Variants in TENT2 observed in about 807,000 individuals in gnomAD.
TENT2 encodes terminal nucleotidyltransferase 2, also known as poly(A) RNA polymerase GLD2.
Under a neutral mutation model 72.2 loss-of-function variants are expected in TENT2, and 44 were observed. That is an observed-to-expected ratio of 0.61 (90% CI 0.48 to 0.78). TENT2 has a LOEUF of 0.78. Ranked by LOEUF, TENT2 falls within the 30% of genes least tolerant of loss-of-function variation. The pLI is 0.00. For missense variants in TENT2, 541 were observed against 569.6 expected, an observed-to-expected ratio of 0.95 and a Z score of 0.51; for synonymous variants, 212 against 192.5, an observed-to-expected ratio of 1.10 and a Z score of -0.84.
chr5:79,683,923 C>CAAAAA (rs761567083), intron 14 of TENT2, among the ~76,000 whole-genome samples: 652 of 41,520 alleles, frequency 0.016, 42 homozygotes, highest in Non-Finnish European at 0.018. Context: ...GACTCCGTCT[C>CAAAAA]AAAAAAAAAA....
At chr5:79,619,487 T>G in intron 1 of TENT2, 125 bp from the exon 2 acceptor site, 2 of 638,346 alleles carry the variant, frequency 3.1e-6, no homozygotes, top group South Asian at 8.2e-5. Context: ...GGAGACCTAT[T>G]TAACTTTGCA....
intron 4 of TENT2, among the ~76,000 whole-genome samples, chr5:79,635,594 G>T (rs919446903): frequency 1.3e-5 from 2 of 151,892 alleles, no homozygotes; most frequent in African/African-American, 4.8e-5. Context: ...TTGCTCTGTT[G>T]CCCAGGCTGG....
At chr5:79,624,532 A>T (rs754574109) in intron 4 of TENT2, among the ~76,000 whole-genome samples, 1 of 152,104 alleles carries the variant, frequency 6.6e-6, no homozygotes, top group South Asian at 2.1e-4. Context: ...ATTCCCAAAC[A>T]TTTTCATCAC....
intron 13 of TENT2, among the ~76,000 whole-genome samples, chr5:79,681,081 T>A (rs1018549907): frequency 2.0e-5 from 3 of 151,710 alleles, no homozygotes; most frequent in African/African-American, 7.3e-5. Flanking sequence ...TTCTGTTTGC[T>A]TTTCTCTTTT....
At chr5:79,669,095 TGA>T in intron 12 of TENT2, 67 bp downstream of exon 12, 3 of 1,505,786 alleles carry the variant, frequency 2.0e-6, no homozygotes, top group African/African-American at 2.8e-5. Context: ...TGTATATATA[TGA>T]ATACGAATAT....
At chr5:79,652,797 C>A (rs1221131344) in intron 10 of TENT2, among the ~76,000 whole-genome samples, 1 of 151,710 alleles carries the variant, frequency 6.6e-6, no homozygotes, top group African/African-American at 2.4e-5. Flanking sequence ...TCATTTTTGT[C>A]CAATTTTACA....
Position 79,681,939 on chromosome 5 carries a change from C to A in TENT2, c.1301-43C>A, listed in dbSNP as rs771864975. On this transcript the variant is annotated intron_variant, in intron 13 of 14. Transcript: ENST00000453514. ...AACCTAAAAAAGAAACTGTAGCTCT[C>A]ATTTTAATAATTTTTCCTTTACATT... The A allele has an allele frequency of 7.3e-6, 11 of 1,511,586 alleles. No individual in the cohort carries two copies. In the Admixed American group the frequency reaches 2.0e-4, roughly 27 times the overall value. The allele number at this position is 1,511,586 out of a possible 1,614,324, so 93.6% of individuals were successfully genotyped here. A position where few individuals can be genotyped will look rare whatever the true frequency, so the allele number is the denominator to read the frequency against.
chr5:79,666,599 C>T (rs1808260957), intron 11 of TENT2, among the ~76,000 whole-genome samples: 1 of 151,982 alleles, frequency 6.6e-6, no homozygotes, highest in Non-Finnish European at 1.5e-5. Flanking sequence ...AGTAAGTTGC[C>T]TAAGCTGGTC....
chr5:79,639,235 T>C (rs1782547336), intron 4 of TENT2, among the ~76,000 whole-genome samples: 1 of 151,770 alleles, frequency 6.6e-6, no homozygotes, highest in African/African-American at 2.4e-5. Flanking sequence ...CTTAGTAAAC[T>C]TTAATTTAAC....
intron 10 of TENT2, 40 bp downstream of exon 10, chr5:79,649,230 A>C: frequency 6.3e-7 from 1 of 1,578,950 alleles, no homozygotes; most frequent in Non-Finnish European, 8.7e-7. Context: ...TAAAAGTAAA[A>C]GACAGCTTTA....
At chr5:79,618,292 A>G (rs1376234619) in intron 1 of TENT2, among the ~76,000 whole-genome samples, 1 of 152,120 alleles carries the variant, frequency 6.6e-6, no homozygotes, top group African/African-American at 2.4e-5. Context: ...AGTGGCATGA[A>G]CATGGTTCAC....
chr5:79,672,239 G>A (rs1813493522), intron 12 of TENT2, among the ~76,000 whole-genome samples: 1 of 152,100 alleles, frequency 6.6e-6, no homozygotes, highest in Admixed American at 6.6e-5. Flanking sequence ...TTTGATATAG[G>A]CATACAGTGC....
intron 4 of TENT2, among the ~76,000 whole-genome samples, chr5:79,630,928 G>A (rs774774957): frequency 2.6e-5 from 4 of 151,614 alleles, no homozygotes; most frequent in African/African-American, 4.9e-5. Flanking sequence ...AAGTTGTACT[G>A]TAGTATTTCA....
chr5:79,631,299 T>C (rs550338019), intron 4 of TENT2, among the ~76,000 whole-genome samples: 14 of 152,340 alleles, frequency 9.2e-5, no homozygotes, highest in African/African-American at 3.4e-4. Context: ...CTTCTACAGC[T>C]GGTGGCCTCA....
At chr5:79,662,963 A>G (rs1206141627) in intron 11 of TENT2, among the ~76,000 whole-genome samples, 2 of 152,224 alleles carry the variant, frequency 1.3e-5, no homozygotes. Context: ...AGCTGCATTC[A>G]TCTGTTGTTC....
intron 7 of TENT2, 165 bp from the exon 8 acceptor site, chr5:79,644,958 T>G: frequency 1.8e-6 from 1 of 542,702 alleles, no homozygotes; most frequent in African/African-American, 2.0e-5. Flanking sequence ...TACTGGAGCC[T>G]CCAACCTTAG....
intron 4 of TENT2, among the ~76,000 whole-genome samples, chr5:79,625,669 T>G (rs1295143356): frequency 6.6e-6 from 1 of 152,180 alleles, no homozygotes; most frequent in Non-Finnish European, 1.5e-5. Context: ...CTTTTGCTGT[T>G]GGTCCAGTTG....
intron 12 of TENT2, among the ~76,000 whole-genome samples, chr5:79,674,719 T>G (rs1815828612): frequency 6.6e-6 from 1 of 152,240 alleles, no homozygotes; most frequent in Admixed American, 6.5e-5. Flanking sequence ...TTTATACTTT[T>G]AATTTTTTTT....
intron 11 of TENT2, among the ~76,000 whole-genome samples, chr5:79,664,420 C>T (rs2150505651): frequency 6.6e-6 from 1 of 152,136 alleles, no homozygotes; most frequent in Admixed American, 6.5e-5. Flanking sequence ...CATGGTCAAA[C>T]CCCGTCTCTA....
Sources: gnomAD v4.1 joint callset for allele counts (sites outside exome capture counted in the v4.1 genomes callset) on GRCh38, gnomAD v4.1.1 for gene constraint, MANE v1.5 for transcripts, NCBI Gene and HGNC (gene_info 2026-07-23, HGNC 2026-07-21) for gene names.